EPHB2: variants seen among roughly 807,000 people sequenced by gnomAD.
The protein encoded by EPHB2 is ephrin type-B receptor 2.
A neutral mutation model predicts 96.4 loss-of-function variants in EPHB2; 18 were observed. That is an observed-to-expected ratio of 0.19 (90% CI 0.13 to 0.28). The LOEUF (loss-of-function observed/expected upper bound fraction) is 0.28. Ranked by LOEUF, EPHB2 falls within the 10% of genes least tolerant of loss-of-function variation. The pLI, the probability that EPHB2 is intolerant of heterozygous loss-of-function variation, is 1.00. For synonymous variants in EPHB2, 506 were observed against 534.1 expected, an observed-to-expected ratio of 0.95 and a Z score of 0.72; for missense variants, 989 against 1,355.4, an observed-to-expected ratio of 0.73 and a Z score of 4.25.
chr1:22,843,010 T>C (rs4655128), intron 3 of EPHB2, among the ~76,000 whole-genome samples: 107,349 of 151,966 alleles, frequency 0.71, 38,809 homozygotes, highest in Non-Finnish European at 0.79. Context: ...TGATGATAAA[T>C]TCTCAAGTAG....
intron 3 of EPHB2, among the ~76,000 whole-genome samples, chr1:22,827,209 C>T (rs2148481514): frequency 6.6e-6 from 1 of 152,376 alleles, no homozygotes; most frequent in Non-Finnish European, 1.5e-5. Flanking sequence ...AGAGCCCTCC[C>T]TGGCTTCCCC....
chr1:22,798,376 T>G (rs1417300658), intron 3 of EPHB2, among the ~76,000 whole-genome samples: 3 of 152,186 alleles, frequency 2.0e-5, no homozygotes, highest in Admixed American at 2.0e-4. Context: ...TGGAGACTCC[T>G]TATTCCTGAT....
At chr1:22,904,543 C>G (rs924898822) in intron 9 of EPHB2, among the ~76,000 whole-genome samples, 5 of 152,132 alleles carry the variant, frequency 3.3e-5, no homozygotes, top group African/African-American at 1.2e-4. Context: ...ACCCTGACCT[C>G]AAGGGTTAAA....
chr1:22,800,794 ACACTCT>A (rs1232203028), intron 3 of EPHB2, among the ~76,000 whole-genome samples: 18 of 151,610 alleles, frequency 1.2e-4, no homozygotes, highest in Admixed American at 9.2e-4. Context: ...ACACACACAC[ACACTCT>A]CTCTCTCTTT....
At chr1:22,748,382 T>C (rs1644007952) in intron 1 of EPHB2, among the ~76,000 whole-genome samples, 1 of 151,162 alleles carries the variant, frequency 6.6e-6, no homozygotes, top group Admixed American at 6.6e-5. Flanking sequence ...GGGTCCTTTT[T>C]TTTTTTTTCT....
intron 3 of EPHB2, among the ~76,000 whole-genome samples, chr1:22,793,771 G>C (rs1644730101): frequency 6.6e-6 from 1 of 152,126 alleles, no homozygotes; most frequent in Admixed American, 6.5e-5. Context: ...TGAAACTTCT[G>C]TTGGTATTAT....
chr1:22,741,690 A>AAAAAAAAAAAAC lies in EPHB2; in HGVS notation c.61+30653_61+30654insAAAAACAAAAAA, dbSNP rs1287637661. Among the ~76,000 whole-genome samples the AAAAAAAAAAAAC allele has an allele frequency of 4.5e-5, 6 of 133,704 alleles. No homozygotes were observed. In the East Asian group the frequency reaches 1.4e-3, roughly 31 times the overall value. 87.7% of individuals were successfully genotyped at this position (133,704 alleles called of 152,430 possible). ...GGTTTTCTTCCCAGCAAAAAAAAAC[A>AAAAAAAAAAAAC]AAAAAACAAAAAACCTCAGTTTCTC... On this transcript the variant is annotated intron_variant, in intron 1 of 15. Transcript: ENST00000374630.
At chr1:22,807,493 G>A (rs1194448242) in intron 3 of EPHB2, among the ~76,000 whole-genome samples, 3 of 152,162 alleles carry the variant, frequency 2.0e-5, no homozygotes, top group Admixed American at 2.0e-4. Context: ...TTGGATCTAC[G>A]CATATGAGGA....
At chr1:22,816,733 G>A (rs1305662443) in intron 3 of EPHB2, among the ~76,000 whole-genome samples, 2 of 152,166 alleles carry the variant, frequency 1.3e-5, no homozygotes, top group East Asian at 1.9e-4. Context: ...TGACTCCCAG[G>A]GTGGTCATGA....
At chr1:22,752,412 G>A (rs1188721958) in intron 1 of EPHB2, among the ~76,000 whole-genome samples, 1 of 152,050 alleles carries the variant, frequency 6.6e-6, no homozygotes, top group African/African-American at 2.4e-5. Context: ...TGGGAGGATG[G>A]CTTGAGCCCA....
chr1:22,720,660 T>TCCCCACC (rs1643433106), intron 1 of EPHB2, among the ~76,000 whole-genome samples: 1 of 57,380 alleles, frequency 1.7e-5, no homozygotes, highest in Non-Finnish European at 3.4e-5. Flanking sequence ...GAAATCTCAT[T>TCCCCACC]CCCCCCCCCC....
At chr1:22,787,765 A>G (rs1644633210) in intron 3 of EPHB2, among the ~76,000 whole-genome samples, 1 of 152,178 alleles carries the variant, frequency 6.6e-6, no homozygotes, top group Non-Finnish European at 1.5e-5. Context: ...AACATGCATT[A>G]TCTCATAGTT....
intron 1 of EPHB2, among the ~76,000 whole-genome samples, chr1:22,731,776 G>A (rs1643718657): frequency 1.3e-5 from 2 of 152,176 alleles, no homozygotes; most frequent in South Asian, 4.1e-4. Flanking sequence ...GGAAGTGGAG[G>A]TTGCAGTGAG....
In EPHB2 at chr1:22,818,901, C is replaced by T. The variant is rs368179994; in HGVS notation, c.811+33825C>T. On this transcript the variant is annotated intron_variant, in intron 3 of 15. Coordinates refer to ENST00000374630, the MANE Select transcript of EPHB2 (RefSeq NM_017449.5). ...TGTCACCATCTGTTTATGTGTCTTT[C>T]TCTCCACTACACAGAGTCCCCGCCC... is the stretch of plus-strand genomic sequence containing the variant. Among the ~76,000 whole-genome samples, 282 of 152,274 alleles carry T rather than the reference C, an allele frequency of 1.9e-3. 1 individual carries two copies. Among genetic ancestry groups the T allele is most frequent in the African/African-American group, 6.5e-3 (268 of 41,538 alleles).
chr1:22,847,777 G>C (rs986301585), intron 3 of EPHB2, among the ~76,000 whole-genome samples: 1 of 31,024 alleles, frequency 3.2e-5, no homozygotes, highest in African/African-American at 1.2e-4. Context: ...GTCTCACCTC[G>C]TGTCTGAACC....
chr1:22,784,591 A>G lies in EPHB2; in HGVS notation c.326A>G (p.Glu109Gly). The G allele has an allele frequency of 6.2e-7, 1 of 1,614,170 alleles. No homozygotes were observed. Among genetic ancestry groups the G allele is most frequent in the South Asian group, 1.1e-5 (1 of 91,070 alleles). The change falls in exon 3 of 16, where the codon GAG (glutamate) becomes GGG (glycine). Residue 109 changes from glutamate to glycine, a missense_variant. Coordinates refer to ENST00000374630, the MANE Select transcript of EPHB2 (RefSeq NM_017449.5). The surrounding 1 kb of genome is among the most constrained non-coding windows in gnomAD (Gnocchi z 5.1). ...SIPSVPGSCK[E>G]TFNLYYYEAD... is the part of the protein sequence containing the mutation. ...CCCAGCGTGCCTGGCTCCTGCAAGG[A>G]GACCTTCAACCTCTATTACTATGAG...
At chr1:22,826,583 A>G (rs910058963) in intron 3 of EPHB2, among the ~76,000 whole-genome samples, 1 of 152,236 alleles carries the variant, frequency 6.6e-6, no homozygotes, top group Non-Finnish European at 1.5e-5. Flanking sequence ...CAAGGGCCAC[A>G]AAAGACCATT....
chr1:22,874,353 T>G (rs1638770118), intron 5 of EPHB2, among the ~76,000 whole-genome samples: 1 of 152,198 alleles, frequency 6.6e-6, no homozygotes, highest in Admixed American at 6.5e-5. Context: ...ATCTTGCTAG[T>G]CCAGGTGCTG....
intron 3 of EPHB2, among the ~76,000 whole-genome samples, chr1:22,819,211 C>G (rs1645116782): frequency 8.7e-6 from 1 of 114,604 alleles, no homozygotes; most frequent in African/African-American, 3.4e-5. Context: ...AGATGTCTCT[C>G]TCTCTCTCTC....
Sources: gnomAD v4.1 joint callset for allele counts (sites outside exome capture counted in the v4.1 genomes callset) on GRCh38, gnomAD v4.1.1 for gene constraint, Gnocchi (gnomAD v3.1) non-coding constraint, MANE v1.5 for transcripts, NCBI Gene and HGNC (gene_info 2026-07-23, HGNC 2026-07-21) for gene names.